Variants in NTNG1 observed in about 807,000 individuals in gnomAD.
NTNG1 encodes netrin G1, also known as netrin-G1.
A neutral mutation model predicts 54.0 loss-of-function variants in NTNG1; 16 were observed. The ratio of observed to expected loss-of-function variants is 0.30; its 90% confidence interval spans 0.20 to 0.45. The LOEUF is 0.45. Among genes scored for constraint, NTNG1 ranks in the 20% least tolerant of loss-of-function variants. The probability of loss-of-function intolerance (pLI) is 1.00; values close to 1 mark genes in which losing one functional copy is unlikely to be tolerated. For missense variants in NTNG1, 530 were observed against 678.7 expected, an observed-to-expected ratio of 0.78 and a Z score of 2.43; for synonymous variants, 255 against 263.1, an observed-to-expected ratio of 0.97 and a Z score of 0.30.
intron 5 of NTNG1, among the ~76,000 whole-genome samples, chr1:107,414,722 C>T (rs552782842): frequency 1.3e-5 from 2 of 152,142 alleles, no homozygotes; most frequent in Non-Finnish European, 2.9e-5. Flanking sequence ...AATGAGCTAA[C>T]ATTTACTGAA....
rs550293967 is a variant in NTNG1, at chr1:107,145,043, G to A, written c.-525-3026G>A. ...TCACAATTAGTTCAGTTATGGGCCAGAAGGGATAGGTTTAGTATATTAAGT... is the reference window on the plus strand; with the variant it reads ...TCACAATTAGTTCAGTTATGGGCCAAAAGGGATAGGTTTAGTATATTAAGT... On this transcript the variant is annotated intron_variant, in intron 1 of 7. Coordinates refer to ENST00000370068, the MANE Select transcript of NTNG1 (RefSeq NM_001113226.3). Among the ~76,000 whole-genome samples, 29 of 152,134 alleles carry A rather than the reference G, an allele frequency of 1.9e-4. No individual in the cohort carries two copies. In the East Asian group the frequency reaches 4.3e-3, roughly 22 times the overall value.
At chr1:107,213,027 G>A (rs1400872118) in intron 2 of NTNG1, among the ~76,000 whole-genome samples, 2 of 151,142 alleles carry the variant, frequency 1.3e-5, no homozygotes, top group Non-Finnish European at 2.9e-5. Context: ...ATTTATAGTC[G>A]AACATATCCT....
intron 2 of NTNG1, among the ~76,000 whole-genome samples, chr1:107,162,479 G>T (rs1472283603): frequency 6.6e-6 from 1 of 152,032 alleles, no homozygotes; most frequent in Admixed American, 6.6e-5. Flanking sequence ...TATGTACTAT[G>T]CCTCTTAATG....
intron 7 of NTNG1, among the ~76,000 whole-genome samples, chr1:107,477,863 G>A (rs1448961217): frequency 6.6e-6 from 1 of 152,120 alleles, no homozygotes; most frequent in Non-Finnish European, 1.5e-5. Flanking sequence ...ACAGATATTG[G>A]TTAAGCTCAA....
intron 7 of NTNG1, 42 bp from the exon 8 acceptor site, chr1:107,480,569 T>TACCC: frequency 1.5e-5 from 9 of 609,588 alleles, no homozygotes; most frequent in Admixed American, 2.4e-5. Context: ...CTGCTTCTCC[T>TACCC]CCCCGCGCCC....
At chr1:107,435,698 G>A (rs957033560) in intron 6 of NTNG1, among the ~76,000 whole-genome samples, 1 of 152,072 alleles carries the variant, frequency 6.6e-6, no homozygotes, top group Non-Finnish European at 1.5e-5. Context: ...GGTTTTTCAT[G>A]AGGGAACTGC....
intron 7 of NTNG1, among the ~76,000 whole-genome samples, chr1:107,451,324 A>T (rs1054136540): frequency 5.3e-5 from 8 of 152,192 alleles, no homozygotes; most frequent in African/African-American, 1.9e-4. Context: ...ATTTCACCAC[A>T]TGTCACACTG....
At chr1:107,228,956 G>A (rs1660872262) in intron 2 of NTNG1, among the ~76,000 whole-genome samples, 1 of 152,134 alleles carries the variant, frequency 6.6e-6, no homozygotes, top group Admixed American at 6.5e-5. Context: ...AATGTCATCA[G>A]AATAACTTCT....
At chr1:107,327,962 T>G (rs1229976162) in intron 3 of NTNG1, among the ~76,000 whole-genome samples, 1 of 152,176 alleles carries the variant, frequency 6.6e-6, no homozygotes, top group Non-Finnish European at 1.5e-5. Flanking sequence ...GACATTAGAC[T>G]AATGTAGCAT....
chr1:107,455,152 C>G (rs1048876358), intron 7 of NTNG1, among the ~76,000 whole-genome samples: 1 of 152,118 alleles, frequency 6.6e-6, no homozygotes, highest in Non-Finnish European at 1.5e-5. Context: ...CAACCTCCAC[C>G]TCCCAGGTTC....
At chr1:107,396,708 A>G (rs1156846727) in intron 4 of NTNG1, among the ~76,000 whole-genome samples, 1 of 152,156 alleles carries the variant, frequency 6.6e-6, no homozygotes, top group Admixed American at 6.5e-5. Flanking sequence ...CCCAGTTGTC[A>G]AATTTAGTTT....
intron 2 of NTNG1, among the ~76,000 whole-genome samples, chr1:107,314,292 G>A (rs1249124568): frequency 4.6e-5 from 7 of 152,188 alleles, no homozygotes; most frequent in East Asian, 1.9e-4. Flanking sequence ...CCAGCTACTC[G>A]GGAGGCTGAG....
intron 2 of NTNG1, among the ~76,000 whole-genome samples, chr1:107,261,735 C>A (rs575234876): frequency 6.6e-6 from 1 of 151,970 alleles, no homozygotes; most frequent in Non-Finnish European, 1.5e-5. Flanking sequence ...CCCAGCTACT[C>A]GGGAGGCTGA....
intron 2 of NTNG1, among the ~76,000 whole-genome samples, chr1:107,303,168 T>G (rs1666426481): frequency 6.6e-6 from 1 of 152,212 alleles, no homozygotes; most frequent in South Asian, 2.1e-4. Context: ...TTCAATATCT[T>G]CTGACTTCCC....
intron 3 of NTNG1, among the ~76,000 whole-genome samples, chr1:107,380,443 G>C (rs1431554506): frequency 2.0e-5 from 3 of 151,916 alleles, no homozygotes; most frequent in Non-Finnish European, 4.4e-5. Context: ...TACTCCCTAG[G>C]GATGATTTTT....
In NTNG1 at chr1:107,451,200, A is replaced by T. The variant is rs371276388; in HGVS notation, c.1390+14401A>T. Reference sequence around the variant, plus strand: ...TTCATGCTATGTGCTATTTTTCAGCAAAGTTAAGGTTTCTCTTTTTATGCT... The same window carrying T: ...TTCATGCTATGTGCTATTTTTCAGCTAAGTTAAGGTTTCTCTTTTTATGCT... On this transcript the variant is annotated intron_variant, in intron 7 of 7. Transcript: ENST00000370068. Among the ~76,000 whole-genome samples the T allele has an allele frequency of 1.8e-4, 27 of 151,564 alleles. No homozygotes were observed. In the East Asian group the frequency reaches 5.0e-3, roughly 28 times the overall value.
chr1:107,334,098 G>A (rs1448828364), intron 3 of NTNG1: 1 of 151,864 alleles, frequency 6.6e-6, no homozygotes, highest in Non-Finnish European at 1.5e-5. Flanking sequence ...TTACAGCAAT[G>A]AGCTAAAATC....
At chr1:107,336,117 A>G (rs1668562067) in intron 3 of NTNG1, among the ~76,000 whole-genome samples, 1 of 151,832 alleles carries the variant, frequency 6.6e-6, no homozygotes, top group South Asian at 2.1e-4. Flanking sequence ...GGACCTGGAA[A>G]TAGCCAAAAT....
intron 2 of NTNG1, among the ~76,000 whole-genome samples, chr1:107,172,880 CT>C (rs1463791630): frequency 6.6e-6 from 1 of 152,136 alleles, no homozygotes; most frequent in Non-Finnish European, 1.5e-5. Context: ...AGTAATTTTT[CT>C]TGGCAGACTC....
Sources: gnomAD v4.1 joint callset for allele counts (sites outside exome capture counted in the v4.1 genomes callset) on GRCh38, gnomAD v4.1.1 for gene constraint, MANE v1.5 for transcripts, NCBI Gene and HGNC (gene_info 2026-07-23, HGNC 2026-07-21) for gene names.